Variants in SULF1 observed in about 807,000 individuals in gnomAD.
SULF1 encodes extracellular sulfatase Sulf-1.
In SULF1, 46 loss-of-function variants were observed where a neutral mutation model predicts 110.5. The observed-to-expected ratio is 0.42, with a 90% CI of 0.33 to 0.53. SULF1 has a LOEUF of 0.53. Ranked by LOEUF, SULF1 falls within the 20% of genes least tolerant of loss-of-function variation. SULF1 has a pLI of 0.12. For missense variants in SULF1, 941 were observed against 1,094.2 expected (o/e 0.86, Z 1.98); for synonymous variants, 371 against 387.1 (o/e 0.96, Z 0.49).
chr8:69,600,976 AAAG>A (rs1807754950), intron 9 of SULF1, among the ~76,000 whole-genome samples: 1 of 152,312 alleles, frequency 6.6e-6, no homozygotes, highest in East Asian at 1.9e-4. Flanking sequence ...AGCCAGTAAA[AAAG>A]AGGAGAGAAA....
intron 3 of SULF1, among the ~76,000 whole-genome samples, chr8:69,553,604 C>T (rs1814880561): frequency 6.6e-6 from 1 of 152,208 alleles, no homozygotes; most frequent in African/African-American, 2.4e-5. Context: ...GAATGTTAGG[C>T]TTCAGATTCA....
rs1286377264 is a variant in SULF1 at position 69,638,915 on chromosome 8, A to C, written c.2551+57A>C. ...ACCTGGAAAATTCTTTGTGTTACTG[A>C]GCTTTCTGCCTTGGAAACATTTAAT... On this transcript the variant is annotated intron_variant, in intron 21 of 22. Coordinates refer to ENST00000402687, the MANE Select transcript of SULF1 (RefSeq NM_001128205.2). 7 of 1,531,040 alleles carry C rather than the reference A, an allele frequency of 4.6e-6. No homozygotes were observed. In the Admixed American group the frequency reaches 1.4e-4, roughly 31 times the overall value. The allele number at this position is 1,531,040 out of a possible 1,614,324, so 94.8% of individuals were successfully genotyped here. A position where few individuals can be genotyped will look rare whatever the true frequency, so the allele number is the denominator to read the frequency against.
At chr8:69,558,510 A>G (rs11784760) in intron 3 of SULF1, among the ~76,000 whole-genome samples, 149,572 of 152,324 alleles carry the variant, frequency 0.98, 73,456 homozygotes, top group East Asian at 1. Context: ...CTTCAGATGC[A>G]TGGGCATTCA....
intron 3 of SULF1, among the ~76,000 whole-genome samples, chr8:69,530,175 G>A (rs1300998650): frequency 3.9e-5 from 6 of 152,072 alleles, no homozygotes; most frequent in Non-Finnish European, 7.4e-5. Context: ...TCTCAACTCC[G>A]GTCATTCTAT....
chr8:69,565,448 C>A (rs889000796), intron 5 of SULF1, among the ~76,000 whole-genome samples: 1 of 152,188 alleles, frequency 6.6e-6, no homozygotes, highest in African/African-American at 2.4e-5. Flanking sequence ...AGCACAGTCT[C>A]TGCATGAGGA....
rs953440521 is a variant in SULF1, at chr8:69,624,254, C to T, written c.1850+57C>T. ...AGTTCAGAATTACCACCACAACACACCATATTATCACCATTTTGCACTTGG... is the reference window on the plus strand; with the variant it reads ...AGTTCAGAATTACCACCACAACACATCATATTATCACCATTTTGCACTTGG... On this transcript the variant is annotated intron_variant, in intron 15 of 22. Coordinates refer to ENST00000402687, the MANE Select transcript of SULF1 (RefSeq NM_001128205.2). 5 of 1,516,932 alleles carry T rather than the reference C, an allele frequency of 3.3e-6. No homozygotes were observed. In the Admixed American group the frequency reaches 6.6e-5, roughly 20 times the overall value. The allele number at this position is 1,516,932 out of a possible 1,614,324, so 94.0% of individuals were successfully genotyped here.
chr8:69,512,695 C>A (rs1047490124), intron 3 of SULF1, among the ~76,000 whole-genome samples: 2 of 152,038 alleles, frequency 1.3e-5, no homozygotes, highest in Non-Finnish European at 2.9e-5. Context: ...TGTCTTAGCA[C>A]GAGTGTTCTT....
chr8:69,607,910 G>A (rs753804419), intron 13 of SULF1, among the ~76,000 whole-genome samples: 3 of 152,170 alleles, frequency 2.0e-5, no homozygotes, highest in South Asian at 2.1e-4. Flanking sequence ...CTCTTAACAA[G>A]GTGAATGGCC....
At chr8:69,648,094 G>A (rs1812064843) in intron 22 of SULF1, among the ~76,000 whole-genome samples, 1 of 148,154 alleles carries the variant, frequency 6.7e-6, no homozygotes, top group South Asian at 2.1e-4. Flanking sequence ...AATCACCCAA[G>A]ATGAATACCA....
chr8:69,524,980 C>T (rs890006153), intron 3 of SULF1, among the ~76,000 whole-genome samples: 25 of 152,136 alleles, frequency 1.6e-4, no homozygotes, highest in East Asian at 9.6e-4. Flanking sequence ...AGCTTTATAA[C>T]GTATAATACT....
chr8:69,563,990 C>G lies in SULF1; in HGVS notation c.15C>G (p.Cys5Trp). 6.2e-7 allele frequency: 1 copy of G among 1,614,172 alleles called. No individual in the cohort carries two copies. The highest frequency in any genetic ancestry group is 1.3e-5 in the African/African-American group (1 of 75,048). ...GACCAAATACAATGAAGTATTCTTGCTGTGCTCTGGTTTTGGCTGTCCTGG... is the reference window on the plus strand; with the variant it reads ...GACCAAATACAATGAAGTATTCTTGGTGTGCTCTGGTTTTGGCTGTCCTGG... Reference protein sequence around the residue: MKYSCCALVLAVLGT... With the variant: MKYSWCALVLAVLGT... Residue 5 changes from cysteine to tryptophan, a missense_variant, in exon 5 of 23, where the codon TGC (cysteine) becomes TGG (tryptophan). By Grantham distance (215) the Cys-to-Trp change is radical. Transcript: ENST00000402687.
chr8:69,556,796 G>A (rs1035087818), intron 3 of SULF1, among the ~76,000 whole-genome samples: 3 of 152,098 alleles, frequency 2.0e-5, no homozygotes, highest in African/African-American at 7.2e-5. Flanking sequence ...TACATGTGCA[G>A]GATGTGTAGG....
chr8:69,633,330 T>C (rs1472898084), intron 19 of SULF1, among the ~76,000 whole-genome samples: 1 of 109,894 alleles, frequency 9.1e-6, no homozygotes, highest in Admixed American at 7.9e-5. Flanking sequence ...AGGACATTCT[T>C]TTTTTTTTTT....
At chr8:69,636,738 G>A (rs1811056936) in intron 19 of SULF1, among the ~76,000 whole-genome samples, 1 of 152,152 alleles carries the variant, frequency 6.6e-6, no homozygotes, top group Non-Finnish European at 1.5e-5. Flanking sequence ...TTGAAGCGTT[G>A]GTTGTGTGAC....
At chr8:69,554,781 C>T (rs1814971745) in intron 3 of SULF1, among the ~76,000 whole-genome samples, 2 of 151,754 alleles carry the variant, frequency 1.3e-5, no homozygotes, top group Non-Finnish European at 1.5e-5. Flanking sequence ...AGATCGAGAC[C>T]ATCCTGGCTA....
In SULF1 at chr8:69,584,934, A is replaced by G. The variant is rs75469415; in HGVS notation, c.413-1423A>G. 3.1e-3 allele frequency among the ~76,000 whole-genome samples: 473 copies of G among 152,358 alleles called. 2 individuals carry two copies. Among genetic ancestry groups the G allele is most frequent in the African/African-American group, 0.011 (455 of 41,582 alleles). On this transcript the variant is annotated intron_variant, in intron 6 of 22. Transcript: ENST00000402687. ...ATTCAGAATGTGTGTTTTAAGACCA[A>G]TGTCAATAAAGTGCTGCAATTCTAG...
chr8:69,644,786 G>C (rs1174439799), intron 22 of SULF1, among the ~76,000 whole-genome samples: 1 of 147,420 alleles, frequency 6.8e-6, no homozygotes, highest in African/African-American at 2.5e-5. Flanking sequence ...AAAAAGAATT[G>C]AGCACTCAAG....
intron 6 of SULF1, among the ~76,000 whole-genome samples, chr8:69,578,860 C>T (rs1020463160): frequency 6.6e-6 from 1 of 152,064 alleles, no homozygotes; most frequent in African/African-American, 2.4e-5. Flanking sequence ...TTTCCAAAAA[C>T]TTAGTTAACA....
At chr8:69,583,272 A>G (rs915500113) in intron 6 of SULF1, among the ~76,000 whole-genome samples, 1 of 152,158 alleles carries the variant, frequency 6.6e-6, no homozygotes, top group Non-Finnish European at 1.5e-5. Flanking sequence ...TTTAAAAAAT[A>G]TGATGATTTG....
Sources: allele counts gnomAD v4.1 joint callset (sites outside exome capture counted in the v4.1 genomes callset), GRCh38; gene constraint gnomAD v4.1.1; transcripts MANE v1.5; gene names NCBI Gene and HGNC (gene_info 2026-07-23, HGNC 2026-07-21).